RANBP17: variants seen among roughly 807,000 people sequenced by gnomAD.
RANBP17 encodes the protein RAN binding protein 17.
RANBP17 carries 158 observed loss-of-function variants against 141.2 expected under a neutral mutation model. That is an observed-to-expected ratio of 1.12 (90% CI 0.98 to 1.28). RANBP17 has a LOEUF of 1.28. RANBP17 is among the 50% of genes most tolerant of loss of function. The pLI is 0.00. For synonymous variants in RANBP17, 430 were observed against 450.0 expected (o/e 0.96, Z 0.56); for missense variants, 1,438 against 1,290.7 (o/e 1.11, Z -1.75).
intron 14 of RANBP17, among the ~76,000 whole-genome samples, chr5:171,125,811 G>A (rs1756412346): frequency 1.4e-5 from 2 of 148,024 alleles, no homozygotes; most frequent in African/African-American, 5.0e-5. Context: ...TTTTTTTTGA[G>A]ACGGAGTCTT....
intron 18 of RANBP17, among the ~76,000 whole-genome samples, chr5:171,184,814 T>C (rs934301161): frequency 6.6e-6 from 1 of 152,190 alleles, no homozygotes; most frequent in Non-Finnish European, 1.5e-5. Flanking sequence ...TGTACTGTAG[T>C]CTATTAAGTG....
intron 13 of RANBP17, among the ~76,000 whole-genome samples, chr5:170,959,725 A>C (rs1350844651): frequency 6.6e-6 from 1 of 152,250 alleles, no homozygotes; most frequent in Non-Finnish European, 1.5e-5. Flanking sequence ...GTATTCTAAC[A>C]AAGGAAGCTA....
At chr5:171,194,655 A>G (rs1480688855) in intron 18 of RANBP17, among the ~76,000 whole-genome samples, 1 of 152,228 alleles carries the variant, frequency 6.6e-6, no homozygotes, top group East Asian at 1.9e-4. Flanking sequence ...ATGAAATAAT[A>G]CAGCTGTGAG....
intron 20 of RANBP17, 157 bp downstream of exon 20, chr5:171,205,769 C>A (rs1038650558): frequency 2.8e-6 from 2 of 709,904 alleles, no homozygotes; most frequent in Non-Finnish European, 5.1e-6. Flanking sequence ...GGCAGCAGAG[C>A]AGATAACTGA....
At chr5:170,939,594 C>T (rs1774170506) in intron 12 of RANBP17, among the ~76,000 whole-genome samples, 1 of 151,936 alleles carries the variant, frequency 6.6e-6, no homozygotes, top group Non-Finnish European at 1.5e-5. Context: ...CCATGTTGTC[C>T]AGGTTGGTCT....
intron 14 of RANBP17, among the ~76,000 whole-genome samples, chr5:171,129,971 G>A (rs909936051): frequency 1.3e-5 from 2 of 152,128 alleles, no homozygotes; most frequent in Admixed American, 6.6e-5. Flanking sequence ...TTTGTGCAAC[G>A]TGAGAAAAGA....
At chr5:170,877,735 G>C (rs1283447469) in intron 1 of RANBP17, among the ~76,000 whole-genome samples, 2 of 152,058 alleles carry the variant, frequency 1.3e-5, no homozygotes, top group Non-Finnish European at 1.5e-5. Flanking sequence ...AAGGACCCTG[G>C]TAAATGTTCT....
intron 3 of RANBP17, among the ~76,000 whole-genome samples, chr5:170,891,991 G>A (rs1015763338): frequency 1.3e-5 from 2 of 152,114 alleles, no homozygotes; most frequent in Non-Finnish European, 2.9e-5. Flanking sequence ...TTCAAAAGAA[G>A]CCTAATAAAA....
chr5:171,150,596 C>G (rs1470588499), intron 14 of RANBP17, among the ~76,000 whole-genome samples: 1 of 152,096 alleles, frequency 6.6e-6, no homozygotes, highest in East Asian at 1.9e-4. Context: ...ATTATCACAA[C>G]TCTTCTCTAC....
At chr5:170,870,761 A>T (rs541390090) in intron 1 of RANBP17, among the ~76,000 whole-genome samples, 2 of 152,122 alleles carry the variant, frequency 1.3e-5, no homozygotes, top group Non-Finnish European at 2.9e-5. Context: ...TTGTCAAATG[A>T]TATTTCTGGT....
chr5:170,937,174 G>C (rs913471328), intron 12 of RANBP17, among the ~76,000 whole-genome samples: 2 of 152,146 alleles, frequency 1.3e-5, no homozygotes, highest in African/African-American at 2.4e-5. Context: ...CTTAGAATGG[G>C]AGTTTCATAT....
At chr5:170,944,316 G>A (rs1453855596) in intron 12 of RANBP17, among the ~76,000 whole-genome samples, 2 of 152,180 alleles carry the variant, frequency 1.3e-5, no homozygotes, top group Non-Finnish European at 2.9e-5. Context: ...ACCTAGGCTA[G>A]AGTGCAGTGG....
chr5:171,110,831 C>G (rs1273804173), intron 14 of RANBP17, among the ~76,000 whole-genome samples: 1 of 150,806 alleles, frequency 6.6e-6, no homozygotes, highest in East Asian at 1.9e-4. Flanking sequence ...GGACTCCCCT[C>G]TCTGGTAATA....
chr5:170,891,450 G>T (rs1040883661), intron 3 of RANBP17, among the ~76,000 whole-genome samples: 1 of 152,160 alleles, frequency 6.6e-6, no homozygotes, highest in Non-Finnish European at 1.5e-5. Context: ...GATGTTTGAG[G>T]TATATGCGTT....
intron 4 of RANBP17, among the ~76,000 whole-genome samples, chr5:170,893,358 G>C (rs1769814055): frequency 6.6e-6 from 1 of 152,066 alleles, no homozygotes; most frequent in African/African-American, 2.4e-5. Flanking sequence ...ATCTGCTCTT[G>C]TTTCCTGTTT....
At chr5:171,287,430 C>T (rs1366720845) in intron 25 of RANBP17, among the ~76,000 whole-genome samples, 3 of 150,036 alleles carry the variant, frequency 2.0e-5, no homozygotes, top group Non-Finnish European at 4.4e-5. Context: ...GCGGAGGTTG[C>T]AGCAAGCCGA....
At chr5:171,196,527 A>G (rs1761989086) in intron 18 of RANBP17, among the ~76,000 whole-genome samples, 1 of 152,206 alleles carries the variant, frequency 6.6e-6, no homozygotes, top group Non-Finnish European at 1.5e-5. Flanking sequence ...GCAATCTTGC[A>G]GTTATACTTT....
intron 14 of RANBP17, among the ~76,000 whole-genome samples, chr5:171,068,269 A>T (rs571989217): frequency 6.6e-6 from 1 of 151,994 alleles, no homozygotes; most frequent in African/African-American, 2.4e-5. Context: ...TATAACTTCT[A>T]TTTTTTGTTA....
At chr5:171,216,248 T>G (rs929897323) in intron 21 of RANBP17, among the ~76,000 whole-genome samples, 8 of 152,166 alleles carry the variant, frequency 5.3e-5, no homozygotes, top group African/African-American at 1.9e-4. Context: ...TCTATTCTGT[T>G]CCATTGGTCT....
Sources: allele counts gnomAD v4.1 joint callset (sites outside exome capture counted in the v4.1 genomes callset), GRCh38; gene constraint gnomAD v4.1.1; transcripts MANE v1.5; gene names NCBI Gene and HGNC (gene_info 2026-07-23, HGNC 2026-07-21).